MYT1: variants seen among roughly 807,000 people sequenced by gnomAD.
MYT1 encodes myelin transcription factor 1.
In MYT1, 23 loss-of-function variants were observed where a neutral mutation model predicts 123.0. The observed-to-expected ratio is 0.19, with a 90% confidence interval of 0.13 to 0.26. MYT1 has a LOEUF of 0.26. MYT1 is among the 10% of genes least tolerant of loss of function. The pLI, the probability that MYT1 is intolerant of heterozygous loss-of-function variation, is 1.00. For missense variants in MYT1, 1,125 were observed against 1,472.5 expected (o/e 0.76, Z 3.86); for synonymous variants, 518 against 575.3 (o/e 0.90, Z 1.43).
intron 1 of MYT1, among the ~76,000 whole-genome samples, chr20:64,187,593 G>A (rs1982851087): frequency 6.6e-6 from 1 of 152,290 alleles, no homozygotes; most frequent in Non-Finnish European, 1.5e-5. Flanking sequence ...TGCTGATTGA[G>A]CAGAGCCTAC....
chr20:64,201,968 C>T (rs59453567), intron 4 of MYT1, among the ~76,000 whole-genome samples: 10,482 of 53,822 alleles, frequency 0.19, 512 homozygotes, highest in East Asian at 0.22. Flanking sequence ...GGAACCCCCG[C>T]GTGTCGGGAA....
rs1327834336 is a variant in MYT1, at chr20:64,190,886, T to C, written c.-1+726T>C. On this transcript the variant is annotated intron_variant, in intron 2 of 22. Coordinates refer to ENST00000328439, the MANE Select transcript of MYT1 (RefSeq NM_004535.3). The surrounding 1 kb of genome is among the most constrained non-coding windows in gnomAD (Gnocchi z 4.1). ...GGGGAGGCTGAGGCAGGAGAATCAC[T>C]TGAACCTGGGAGGCAGAGGTTGCAG... 6.6e-6 allele frequency among the ~76,000 whole-genome samples: 1 copy of C among 152,058 alleles called. No homozygotes were observed. The highest frequency in any genetic ancestry group is 1.5e-5 in the Non-Finnish European group (1 of 68,016).
At chr20:64,198,266 G>A (rs977859124) in intron 2 of MYT1, among the ~76,000 whole-genome samples, 2 of 121,050 alleles carry the variant, frequency 1.7e-5, no homozygotes, top group Non-Finnish European at 3.2e-5. Flanking sequence ...CAGCCTGGGC[G>A]ACAGAGCGAG....
chr20:64,184,365 C>A (rs1982739026), intron 1 of MYT1, among the ~76,000 whole-genome samples: 1 of 151,636 alleles, frequency 6.6e-6, no homozygotes, highest in Non-Finnish European at 1.5e-5. Flanking sequence ...GTTGTCCTGG[C>A]ACGTTTGTTG....
At chr20:64,171,215 G>A (rs781104585) in intron 1 of MYT1, among the ~76,000 whole-genome samples, 9 of 152,108 alleles carry the variant, frequency 5.9e-5, no homozygotes, top group African/African-American at 1.9e-4. Flanking sequence ...CACTGTGCCC[G>A]GCCAAATTTA....
chr20:64,216,986 C>T, intron 10 of MYT1, 81 bp from the exon 11 acceptor site: 1 of 1,350,776 alleles, frequency 7.4e-7, no homozygotes. Context: ...CCTGCCTGGG[C>T]TGCAGATTGG....
rs537791810 is a variant in MYT1 at position 64,214,509 on chromosome 20, C to T, written c.1631+862C>T. 1.5e-3 allele frequency among the ~76,000 whole-genome samples: 230 copies of T among 152,342 alleles called. 1 individual carries two copies. Among genetic ancestry groups the T allele is most frequent in the African/African-American group, 5.3e-3 (221 of 41,584 alleles). On this transcript the variant is annotated intron_variant, in intron 10 of 22. Coordinates refer to ENST00000328439, the MANE Select transcript of MYT1 (RefSeq NM_004535.3). ...TAAGTGCCACAAATAAGGCCAGAGGCTCAGAGAGTTGCCCAAGGCCACCCT... is the reference window on the plus strand; with the variant it reads ...TAAGTGCCACAAATAAGGCCAGAGGTTCAGAGAGTTGCCCAAGGCCACCCT...
At chr20:64,179,400 G>A (rs1166926031) in intron 1 of MYT1, among the ~76,000 whole-genome samples, 1 of 152,244 alleles carries the variant, frequency 6.6e-6, no homozygotes, top group East Asian at 1.9e-4. Context: ...ATTAGATGGG[G>A]CATCCCAGCA....
At chr20:64,225,883 C>T (rs1195215422) in intron 16 of MYT1, among the ~76,000 whole-genome samples, 1 of 152,162 alleles carries the variant, frequency 6.6e-6, no homozygotes, top group African/African-American at 2.4e-5. Context: ...TACTGCCGGC[C>T]CCTTGGGAGT....
chr20:64,239,997 T>TG (rs1356409569), intron 22 of MYT1, 94 bp downstream of exon 22: 2 of 1,536,680 alleles, frequency 1.3e-6, no homozygotes, highest in Non-Finnish European at 1.8e-6. Context: ...CCTCTGCCTC[T>TG]GGGTCCTGCC....
chr20:64,235,881 C>G (rs1601726697), intron 19 of MYT1, among the ~76,000 whole-genome samples: 1 of 132,962 alleles, frequency 7.5e-6, no homozygotes, highest in Non-Finnish European at 1.6e-5. Flanking sequence ...CTGGGATGGT[C>G]ATGGTGGGTG....
rs1445644380 is a variant in MYT1 at position 64,185,155 on chromosome 20, GC to G, written c.-98-4906del. 6.6e-6 allele frequency among the ~76,000 whole-genome samples: 1 copy of G among 152,222 alleles called. No homozygotes were observed. Among genetic ancestry groups the G allele is most frequent in the African/African-American group, 2.4e-5 (1 of 41,456 alleles). On this transcript the variant is annotated intron_variant, in intron 1 of 22. Transcript: ENST00000328439. This position sits in a 1 kb window ranked among gnomAD's most constrained non-coding sequence, Gnocchi z 4.5. ...GTGTTTTTAAACATGGATGCCTCAA[GC>G]CAGTTGAAGAGTTGGGAAGAGTAGT...
At chr20:64,228,924 C>T (rs903696089) in intron 18 of MYT1, among the ~76,000 whole-genome samples, 5 of 152,222 alleles carry the variant, frequency 3.3e-5, no homozygotes, top group African/African-American at 7.2e-5. Context: ...AAGCAGGTTG[C>T]CCTCGTTGTG....
chr20:64,185,719 A>AG lies in MYT1; in HGVS notation c.-98-4339dup, dbSNP rs935662008. 5.3e-5 allele frequency among the ~76,000 whole-genome samples: 8 copies of AG among 152,150 alleles called. No individual in the cohort carries two copies. The highest frequency in any genetic ancestry group is 1.9e-4 in the African/African-American group (8 of 41,422). On this transcript the variant is annotated intron_variant, in intron 1 of 22. Transcript: ENST00000328439. This position sits in a 1 kb window ranked among gnomAD's most constrained non-coding sequence, Gnocchi z 4.5. Reference sequence around the variant, plus strand: ...CATGAAAACAGCCACGGTCGCCCGCAGGGGGTCCCCCATGGGGTTGTGCGT... The same window carrying AG: ...CATGAAAACAGCCACGGTCGCCCGCAGGGGGGTCCCCCATGGGGTTGTGCGT...
rs185643651 is a variant in MYT1 at position 64,192,052 on chromosome 20, C to T, written c.-1+1892C>T. Among the ~76,000 whole-genome samples the T allele has an allele frequency of 3.9e-4, 59 of 152,180 alleles. No homozygotes were observed. The highest frequency in any genetic ancestry group is 2.6e-4 in the Non-Finnish European group (18 of 68,002). Reference sequence around the variant, plus strand: ...GTCTGGTGCCATGTCAGGGGTGGGTCGGAAGACTTTTGTCTCCCCCTGGCC... The same window carrying T: ...GTCTGGTGCCATGTCAGGGGTGGGTTGGAAGACTTTTGTCTCCCCCTGGCC... On this transcript the variant is annotated intron_variant, in intron 2 of 22. Coordinates refer to ENST00000328439, the MANE Select transcript of MYT1 (RefSeq NM_004535.3). The surrounding 1 kb of genome is among the most constrained non-coding windows in gnomAD (Gnocchi z 5.3).
At position 64,227,280 on chromosome 20, in the gene MYT1, C is replaced by T; in HGVS notation, c.2529-135C>T. 5.7e-6 allele frequency: 4 copies of T among 707,924 alleles called. No homozygotes were observed. The East Asian group carries it at 1.1e-4, about 19-fold the overall frequency. The allele number at this position is 707,924 out of a possible 1,614,324, so 43.9% of individuals were successfully genotyped here. On this transcript the variant is annotated intron_variant, in intron 16 of 22. Transcript: ENST00000328439. ...GCCGGGGTGAACATCGGCGATGCTC[C>T]TCTGCGGACAAGGGAATGTGGGTGG...
At chr20:64,178,470 G>A (rs11086137) in intron 1 of MYT1, among the ~76,000 whole-genome samples, 24 of 143,468 alleles carry the variant, frequency 1.7e-4, no homozygotes, top group African/African-American at 5.2e-4. Context: ...TTGGAAGAGC[G>A]CTGAGCCGTT....
intron 1 of MYT1, among the ~76,000 whole-genome samples, chr20:64,176,425 C>G: frequency 6.6e-6 from 1 of 151,912 alleles, no homozygotes; most frequent in African/African-American, 2.4e-5. Context: ...CATTTCCCCT[C>G]CCTGGCTTCT....
intron 13 of MYT1, among the ~76,000 whole-genome samples, chr20:64,220,371 C>T (rs1983965989): frequency 6.6e-6 from 1 of 152,188 alleles, no homozygotes; most frequent in Admixed American, 6.5e-5. Context: ...CACCACCCTG[C>T]AGAGCTAACC....
Sources: allele counts gnomAD v4.1 joint callset (sites outside exome capture counted in the v4.1 genomes callset), GRCh38; gene constraint gnomAD v4.1.1; non-coding constraint Gnocchi (gnomAD v3.1); transcripts MANE v1.5; gene names NCBI Gene and HGNC (gene_info 2026-07-23, HGNC 2026-07-21).